SLC9A9: variants seen among roughly 807,000 people sequenced by gnomAD.
SLC9A9 encodes the protein solute carrier family 9 member A9, also known as sodium/hydrogen exchanger 9.
Under a neutral mutation model 77.8 loss-of-function variants are expected in SLC9A9, and 62 were observed. That is an observed-to-expected ratio of 0.80 (90% confidence interval 0.65 to 0.98). The LOEUF (loss-of-function observed/expected upper bound fraction) is 0.98. SLC9A9 is among the 50% of genes least tolerant of loss of function. SLC9A9 has a pLI of 0.00. For missense variants in SLC9A9, 775 were observed against 774.9 expected (o/e 1.00, Z 0.00); for synonymous variants, 320 against 283.5 (o/e 1.13, Z -1.29).
chr3:143,437,215 A>G (rs1294469057), intron 12 of SLC9A9, among the ~76,000 whole-genome samples: 1 of 152,250 alleles, frequency 6.6e-6, no homozygotes, highest in Non-Finnish European at 1.5e-5. Context: ...GCACTGGAAG[A>G]GACACTGAAG....
chr3:143,656,198 T>C (rs1261276991), intron 5 of SLC9A9, among the ~76,000 whole-genome samples: 1 of 152,188 alleles, frequency 6.6e-6, no homozygotes, highest in Non-Finnish European at 1.5e-5. Context: ...CATGAAAAAC[T>C]GTTAGGGTCA....
chr3:143,728,654 C>T (rs550666084), intron 4 of SLC9A9, among the ~76,000 whole-genome samples: 9 of 152,056 alleles, frequency 5.9e-5, no homozygotes, highest in East Asian at 1.9e-4. Context: ...GCAGAGGCCA[C>T]GAAGGAGACC....
chr3:143,562,132 G>C lies in SLC9A9; in HGVS notation c.1001-9682C>G, dbSNP rs980395668. Among the ~76,000 whole-genome samples, 4 of 152,170 alleles carry C rather than the reference G, an allele frequency of 2.6e-5. No homozygotes were observed. In the South Asian group the frequency reaches 6.2e-4, roughly 24 times the overall value. On this transcript the variant is annotated intron_variant, in intron 8 of 15. Coordinates refer to ENST00000316549, the MANE Select transcript of SLC9A9 (RefSeq NM_173653.4). ...GCAAAGCACTGACCATGGGTATGAG[G>C]AACACAAGACTGAATAAAGCAGGCC...
intron 14 of SLC9A9, among the ~76,000 whole-genome samples, chr3:143,355,988 A>C (rs2032574901): frequency 6.6e-6 from 1 of 152,210 alleles, no homozygotes; most frequent in Non-Finnish European, 1.5e-5. Flanking sequence ...AATATTATTA[A>C]AACTTTTCCA....
At chr3:143,683,151 G>A (rs551291806) in intron 5 of SLC9A9, among the ~76,000 whole-genome samples, 14 of 152,072 alleles carry the variant, frequency 9.2e-5, no homozygotes, top group African/African-American at 3.1e-4. Flanking sequence ...CAAGGGTGGC[G>A]ATAAGTTCTG....
At chr3:143,368,075 A>T (rs1304245726) in intron 13 of SLC9A9, among the ~76,000 whole-genome samples, 1 of 152,126 alleles carries the variant, frequency 6.6e-6, no homozygotes, top group Admixed American at 6.5e-5. Flanking sequence ...ATACATTGGG[A>T]TTTTCTGGCT....
intron 12 of SLC9A9, among the ~76,000 whole-genome samples, chr3:143,414,431 A>G (rs1421443110): frequency 6.6e-6 from 1 of 152,212 alleles, no homozygotes; most frequent in East Asian, 1.9e-4. Flanking sequence ...TGGCAACTGT[A>G]TGTTGAGCAA....
At chr3:143,519,802 G>T (rs1220249935) in intron 9 of SLC9A9, among the ~76,000 whole-genome samples, 1 of 152,144 alleles carries the variant, frequency 6.6e-6, no homozygotes, top group East Asian at 1.9e-4. Context: ...AAGGACCAAA[G>T]TTGGGATGTA....
At chr3:143,515,842 G>A (rs1372812162) in intron 9 of SLC9A9, among the ~76,000 whole-genome samples, 4 of 151,924 alleles carry the variant, frequency 2.6e-5, no homozygotes, top group Admixed American at 6.6e-5. Flanking sequence ...TTTCATTTGT[G>A]TTACTGACAT....
chr3:143,593,320 G>A (rs1331598978), intron 6 of SLC9A9, among the ~76,000 whole-genome samples: 1 of 152,062 alleles, frequency 6.6e-6, no homozygotes, highest in African/African-American at 2.4e-5. Context: ...TATTGATCAG[G>A]TTTTCTTTTG....
intron 4 of SLC9A9, among the ~76,000 whole-genome samples, chr3:143,787,143 CAG>C (rs1394724251): frequency 2.0e-5 from 3 of 152,142 alleles, no homozygotes; most frequent in East Asian, 1.9e-4. Flanking sequence ...ACAGAAGAAT[CAG>C]AGTTTCCCAG....
intron 4 of SLC9A9, among the ~76,000 whole-genome samples, chr3:143,743,642 G>T (rs574560191): frequency 2.0e-5 from 3 of 152,258 alleles, no homozygotes; most frequent in Middle Eastern, 6.8e-3. Context: ...CACAGTGAGA[G>T]TGGCAGTCTT....
At chr3:143,454,525 T>C (rs967322324) in intron 12 of SLC9A9, among the ~76,000 whole-genome samples, 2 of 152,152 alleles carry the variant, frequency 1.3e-5, no homozygotes, top group Non-Finnish European at 2.9e-5. Flanking sequence ...TCAAGGTTCA[T>C]TTTTTGGCCT....
intron 8 of SLC9A9, among the ~76,000 whole-genome samples, chr3:143,569,976 CT>C (rs548388783): frequency 2.5e-3 from 354 of 143,636 alleles, no homozygotes; most frequent in African/African-American, 2.4e-3. Flanking sequence ...TGACCAGATA[CT>C]TTTTTTTTTT....
intron 12 of SLC9A9, among the ~76,000 whole-genome samples, chr3:143,408,992 G>A (rs980071922): frequency 6.6e-6 from 1 of 152,210 alleles, no homozygotes. Context: ...ACCGCATTTT[G>A]ACAATTTCTT....
chr3:143,519,388 G>A (rs1172625185), intron 9 of SLC9A9, among the ~76,000 whole-genome samples: 5 of 152,172 alleles, frequency 3.3e-5, no homozygotes, highest in Non-Finnish European at 5.9e-5. Context: ...TGAAGAGCAA[G>A]ATAAAGACCC....
chr3:143,319,350 A>G (rs2031332365), intron 14 of SLC9A9, among the ~76,000 whole-genome samples: 2 of 152,196 alleles, frequency 1.3e-5, no homozygotes, highest in South Asian at 4.1e-4. Context: ...CTGCTGCCTC[A>G]TGTTTTCTAT....
At chr3:143,785,122 C>T (rs2008007387) in intron 4 of SLC9A9, among the ~76,000 whole-genome samples, 1 of 152,176 alleles carries the variant, frequency 6.6e-6, no homozygotes, top group African/African-American at 2.4e-5. Flanking sequence ...TAATCCTTCC[C>T]CTCCCTGTAT....
At chr3:143,276,669 T>C (rs1938058444) in intron 14 of SLC9A9, among the ~76,000 whole-genome samples, 1 of 150,110 alleles carries the variant, frequency 6.7e-6, no homozygotes, top group Admixed American at 6.6e-5. Context: ...AGTCAAACAA[T>C]GTAGCTTAGA....
Sources: allele counts gnomAD v4.1 joint callset (sites outside exome capture counted in the v4.1 genomes callset), GRCh38; gene constraint gnomAD v4.1.1; transcripts MANE v1.5; gene names NCBI Gene and HGNC (gene_info 2026-07-23, HGNC 2026-07-21).